The following CD38 variants were observed in gnomAD, a reference collection of about 807,000 sequenced individuals.
The protein encoded by CD38 is ADP-ribosyl cyclase/cyclic ADP-ribose hydrolase 1.
A neutral mutation model predicts 36.3 loss-of-function variants in CD38; 31 were observed. The observed-to-expected ratio is 0.85, with a 90% CI of 0.64 to 1.15. CD38 has a LOEUF of 1.15. Ranked by LOEUF, CD38 falls within the 50% of genes most tolerant of loss-of-function variation. The probability of loss-of-function intolerance (pLI) is 0.00; values close to 1 mark genes in which losing one functional copy is unlikely to be tolerated. For synonymous variants in CD38, 131 were observed against 135.2 expected, an observed-to-expected ratio of 0.97 and a Z score of 0.22; for missense variants, 380 against 371.9, an observed-to-expected ratio of 1.02 and a Z score of -0.18.
rs372561676 is a variant in CD38, at chr4:15,778,667, G to T, written c.233+20G>T. On this transcript the variant is annotated intron_variant, in intron 1 of 7. Transcript: ENST00000226279. This position sits in a 1 kb window ranked among gnomAD's most constrained non-coding sequence, Gnocchi z 4.9. ...GATGAGGTGGGTTGGCGACTAAGGC[G>T]CACCGGTGGGCACTGCGGGGACAGC... 1.8e-4 allele frequency: 279 copies of T among 1,516,124 alleles called. 2 individuals carry two copies. The highest frequency in any genetic ancestry group is 3.8e-5 in the Non-Finnish European group (42 of 1,092,718). The allele number at this position is 1,516,124 out of a possible 1,614,324, so 93.9% of individuals were successfully genotyped here. A position where few individuals can be genotyped will look rare whatever the true frequency, so the allele number is the denominator to read the frequency against.
At chr4:15,817,159 G>A (rs1167569220) in intron 2 of CD38, among the ~76,000 whole-genome samples, 1 of 152,208 alleles carries the variant, frequency 6.6e-6, no homozygotes, top group Admixed American at 6.5e-5. Flanking sequence ...GAAAACTGAG[G>A]GTTGGTGTGT....
At chr4:15,839,720 G>A (rs1322201805) in intron 5 of CD38, among the ~76,000 whole-genome samples, 2 of 152,048 alleles carry the variant, frequency 1.3e-5, no homozygotes, top group African/African-American at 4.8e-5. Flanking sequence ...ACCATGCCTG[G>A]CTGAAATTCT....
At chr4:15,829,957 G>A (rs1314183104) in intron 3 of CD38, among the ~76,000 whole-genome samples, 1 of 152,122 alleles carries the variant, frequency 6.6e-6, no homozygotes, top group East Asian at 1.9e-4. Context: ...ACTCCATTGT[G>A]TATAAATACC....
At chr4:15,820,242 A>C (rs2148923245) in intron 2 of CD38, among the ~76,000 whole-genome samples, 1 of 152,294 alleles carries the variant, frequency 6.6e-6, no homozygotes, top group East Asian at 1.9e-4. Context: ...ACAGAAACAC[A>C]CCGAAGTACA....
chr4:15,801,268 C>A (rs1723217786), intron 1 of CD38, among the ~76,000 whole-genome samples: 1 of 151,534 alleles, frequency 6.6e-6, no homozygotes. Flanking sequence ...TATTGAGGAA[C>A]CTCAATAATA....
At chr4:15,831,717 T>C (rs1027978179) in intron 3 of CD38, among the ~76,000 whole-genome samples, 49 of 152,198 alleles carry the variant, frequency 3.2e-4, no homozygotes, top group African/African-American at 1.1e-3. Flanking sequence ...GGATCCTTTC[T>C]TTATCTTGGA....
intron 1 of CD38, among the ~76,000 whole-genome samples, chr4:15,796,188 AT>A (rs536149869): frequency 3.9e-4 from 59 of 152,274 alleles, no homozygotes; most frequent in African/African-American, 1.3e-3. Context: ...CACAAAAAAA[AT>A]GTAAGATTTA....
intron 4 of CD38, 99 bp downstream of exon 4, chr4:15,834,401 C>T (rs1724022162): frequency 1.3e-6 from 1 of 748,004 alleles, no homozygotes; most frequent in Non-Finnish European, 2.4e-6. Context: ...ATTACAAATA[C>T]TTTTAGGAAT....
chr4:15,810,485 G>T (rs1006860845), intron 1 of CD38, among the ~76,000 whole-genome samples: 13 of 152,338 alleles, frequency 8.5e-5, no homozygotes, highest in Admixed American at 7.2e-4. Context: ...AAGTTCCCAA[G>T]AAGGCCACTG....
At chr4:15,813,573 T>G (rs1275142001) in intron 1 of CD38, among the ~76,000 whole-genome samples, 2 of 152,184 alleles carry the variant, frequency 1.3e-5, no homozygotes, top group East Asian at 3.9e-4. Context: ...ATTAGGTATT[T>G]GTCCTAATAC....
Position 15,809,368 on chromosome 4 carries a change from C to T in CD38, c.234-7143C>T, listed in dbSNP as rs142960260. 4.7e-3 allele frequency among the ~76,000 whole-genome samples: 711 copies of T among 152,300 alleles called. 3 individuals carry two copies. The highest frequency in any genetic ancestry group is 0.015 in the African/African-American group (609 of 41,556). ...CTAACATTTAACAGCTGTGTGACCT[C>T]GGGCTAGTCACATTTCCTTTATAAA... On this transcript the variant is annotated intron_variant, in intron 1 of 7. Transcript: ENST00000226279.
At chr4:15,822,383 GA>G (rs1316878911) in intron 2 of CD38, among the ~76,000 whole-genome samples, 1 of 151,896 alleles carries the variant, frequency 6.6e-6, no homozygotes, top group African/African-American at 2.4e-5. Context: ...TTTTCAAATG[GA>G]AAAAAGGAAA....
chr4:15,840,183 C>T, intron 6 of CD38, 65 bp downstream of exon 6: 1 of 1,107,770 alleles, frequency 9.0e-7, no homozygotes, highest in Non-Finnish European at 1.4e-6. Flanking sequence ...AATCCACAGT[C>T]ACAAGCACGC....
Position 15,848,545 on chromosome 4 carries a change from CA to C in CD38, c.848del (p.Lys283SerfsTer6). On this transcript the variant is annotated frameshift_variant, in exon 8 of 8. Transcript: ENST00000226279. LOFTEE classifies it low-confidence loss of function (END_TRUNC). ...TTTTGCTTTCTTGTCATAGACCTGA[CA>C]AGTTTCTTCAGTGTGTGAAAAATCC... ...FSCKNIYRPD[K>X]FLQCVKNPED... The C allele has an allele frequency of 6.2e-7, 1 of 1,612,926 alleles. No individual in the cohort carries two copies. Among genetic ancestry groups the C allele is most frequent in the Non-Finnish European group, 8.5e-7 (1 of 1,178,974 alleles).
chr4:15,826,480 C>G (rs866997064), intron 3 of CD38, among the ~76,000 whole-genome samples: 162 of 152,104 alleles, frequency 1.1e-3, no homozygotes, highest in African/African-American at 3.7e-3. Context: ...CACACACACA[C>G]ACACACACAC....
chr4:15,826,512 C>T (rs568659397), intron 3 of CD38, among the ~76,000 whole-genome samples: 3 of 149,646 alleles, frequency 2.0e-5, no homozygotes, highest in African/African-American at 7.4e-5. Context: ...CATACTTGAA[C>T]GATAAATTTT....
intron 4 of CD38, among the ~76,000 whole-genome samples, chr4:15,837,692 C>G (rs1458173722): frequency 6.6e-6 from 1 of 152,122 alleles, no homozygotes; most frequent in East Asian, 1.9e-4. Flanking sequence ...TTATGGTGTT[C>G]CCATTTCCCT....
At chr4:15,780,518 T>TCACACACACACG (rs1234570285) in intron 1 of CD38, among the ~76,000 whole-genome samples, 2 of 140,118 alleles carry the variant, frequency 1.4e-5, no homozygotes, top group African/African-American at 5.7e-5. Flanking sequence ...ATTCTCTCTC[T>TCACACACACACG]CACACACACA....
Position 15,826,202 on chromosome 4 carries a change from G to A in CD38, c.499+1186G>A, listed in dbSNP as rs1205116307. The A allele has an allele frequency of 2.6e-5, 4 of 151,786 alleles. No homozygotes were observed. The South Asian group carries it at 6.2e-4, about 24-fold the overall frequency. 9.4% of individuals were successfully genotyped at this position (151,786 alleles called of 1,614,324 possible). On this transcript the variant is annotated intron_variant, in intron 3 of 7. Transcript: ENST00000226279. ...AATTTTCCCTTCACCTCCTACCTCC[G>A]CATCACTTCTCAAAGGGTAACTATT...
Sources: gnomAD v4.1 joint callset for allele counts (sites outside exome capture counted in the v4.1 genomes callset) on GRCh38, gnomAD v4.1.1 for gene constraint, Gnocchi (gnomAD v3.1) non-coding constraint, MANE v1.5 for transcripts, NCBI Gene and HGNC (gene_info 2026-07-23, HGNC 2026-07-21) for gene names.